CCR7: variants seen among roughly 807,000 people sequenced by gnomAD.
CCR7 encodes the protein C-C chemokine receptor type 7.
Under a neutral mutation model 26.0 loss-of-function variants are expected in CCR7, and 11 were observed. That is an observed-to-expected ratio of 0.42 (90% CI 0.27 to 0.70). The LOEUF (loss-of-function observed/expected upper bound fraction) is 0.70, where lower values mean the gene tolerates loss of function less well. Ranked by LOEUF, CCR7 falls within the 30% of genes least tolerant of loss-of-function variation. The pLI, the probability that CCR7 is intolerant of heterozygous loss-of-function variation, is 0.23. For synonymous variants in CCR7, 189 were observed against 202.1 expected, an observed-to-expected ratio of 0.94 and a Z score of 0.55; for missense variants, 360 against 504.0, an observed-to-expected ratio of 0.71 and a Z score of 2.74.
intron 1 of CCR7, among the ~76,000 whole-genome samples, chr17:40,564,895 C>T (rs1262863658): frequency 6.6e-6 from 1 of 152,234 alleles, no homozygotes; most frequent in Non-Finnish European, 1.5e-5. Context: ...ACAACCCAGT[C>T]ACGTTTCATT....
Position 40,565,454 on chromosome 17 carries a change from C to T in CCR7, c.-45G>A, listed in dbSNP as rs780987967. On this transcript the variant is annotated 5_prime_UTR_variant, in exon 1 of 3. Transcript: ENST00000246657. Reference sequence around the variant, plus strand: ...AACCACACAGGAAGGCTGTGCCCGGCCTCGCACTACCCCTGTCTGGGGAGG... The same window carrying T: ...AACCACACAGGAAGGCTGTGCCCGGTCTCGCACTACCCCTGTCTGGGGAGG... The T allele has an allele frequency of 1.2e-6, 2 of 1,604,072 alleles. No individual in the cohort carries two copies. The highest frequency in any genetic ancestry group is 2.2e-5 in the East Asian group (1 of 44,818).
In CCR7 at chr17:40,554,815, C is replaced by A; in HGVS notation, c.1064G>T (p.Trp355Leu). 2.5e-6 allele frequency: 4 copies of A among 1,614,176 alleles called. No individual in the cohort carries two copies. Among genetic ancestry groups the A allele is most frequent in the South Asian group, 1.1e-5 (1 of 91,080 alleles). ...GCGCCGGATGTGCCGACAGGAAGAC[C>A]ACTGCCGGAGCTGCTCCTGGCTGAG... The part of the protein sequence containing the change: ...GCLSQEQLRQ[W>L]SSCRHIRRSS... The change falls in exon 3 of 3, where the codon TGG becomes TTG. Residue 355 changes from tryptophan to leucine, a missense_variant. Trp to Leu is a moderately conservative substitution (Grantham distance 61). Transcript: ENST00000246657.
intron 2 of CCR7, among the ~76,000 whole-genome samples, chr17:40,556,518 T>G (rs1480372676): frequency 1.3e-5 from 2 of 150,348 alleles, no homozygotes; most frequent in African/African-American, 4.9e-5. Context: ...CTGGTTAAAC[T>G]CTTTCTGTCT....
chr17:40,557,189 G>A (rs765731672), intron 2 of CCR7, among the ~76,000 whole-genome samples: 1 of 152,210 alleles, frequency 6.6e-6, no homozygotes, highest in Non-Finnish European at 1.5e-5. Flanking sequence ...CTGCAGGGTC[G>A]GGTGAAGGTT....
intron 1 of CCR7, among the ~76,000 whole-genome samples, chr17:40,560,317 G>A (rs962007775): frequency 1.3e-5 from 2 of 152,260 alleles, no homozygotes; most frequent in African/African-American, 4.8e-5. Flanking sequence ...GATGCCACAA[G>A]TGAAGGCAGG....
At chr17:40,560,124 G>A (rs1202489933) in intron 1 of CCR7, among the ~76,000 whole-genome samples, 1 of 152,194 alleles carries the variant, frequency 6.6e-6, no homozygotes, top group Non-Finnish European at 1.5e-5. Context: ...TTTTGTGGCT[G>A]AGCCTGGGGC....
chr17:40,557,720 A>G (rs569509031), intron 2 of CCR7, among the ~76,000 whole-genome samples: 1 of 152,292 alleles, frequency 6.6e-6, no homozygotes, highest in East Asian at 1.9e-4. Context: ...TGCATCATCC[A>G]GTCCTGCCTT....
At chr17:40,558,554 G>C (rs2036617513) in intron 2 of CCR7, among the ~76,000 whole-genome samples, 1 of 152,210 alleles carries the variant, frequency 6.6e-6, no homozygotes, top group South Asian at 2.1e-4. Flanking sequence ...ACAAAACCCA[G>C]TAACATTTTT....
intron 1 of CCR7, among the ~76,000 whole-genome samples, chr17:40,563,487 A>G (rs1457748974): frequency 1.3e-5 from 2 of 152,102 alleles, no homozygotes; most frequent in Non-Finnish European, 2.9e-5. Flanking sequence ...AAACCGTGAA[A>G]AAGGCCAGCT....
intron 2 of CCR7, 100 bp downstream of exon 2, chr17:40,558,793 T>A: frequency 1.0e-6 from 1 of 1,004,522 alleles, no homozygotes; most frequent in Non-Finnish European, 1.5e-6. Flanking sequence ...TATGTCTGGG[T>A]CTTGTATCTT....
At position 40,554,804 on chromosome 17, in the gene CCR7, G is replaced by A. The variant is rs755563290; in HGVS notation, c.1075C>T (p.Arg359Trp). ...CTCATGGAGGAGCGCCGGATGTGCCGACAGGAAGACCACTGCCGGAGCTGC... is the reference window on the plus strand; with the variant it reads ...CTCATGGAGGAGCGCCGGATGTGCCAACAGGAAGACCACTGCCGGAGCTGC... ...QEQLRQWSSC[R>W]HIRRSSMSVE... is the part of the protein sequence containing the mutation. The change falls in exon 3 of 3, where the codon CGG becomes TGG. Residue 359 changes from arginine to tryptophan, a missense_variant. Coordinates refer to ENST00000246657, the MANE Select transcript of CCR7 (RefSeq NM_001838.4). 7.4e-6 allele frequency: 12 copies of A among 1,614,124 alleles called. No homozygotes were observed. Among genetic ancestry groups the A allele is most frequent in the East Asian group, 2.2e-5 (1 of 44,876 alleles).
Position 40,554,861 on chromosome 17 carries a change from G to T in CCR7, c.1018C>A (p.Leu340Ile). 1.2e-6 allele frequency: 2 copies of T among 1,614,212 alleles called. No homozygotes were observed. Among genetic ancestry groups the T allele is most frequent in the Non-Finnish European group, 1.7e-6 (2 of 1,180,034 alleles). Residue 340 changes from leucine to isoleucine, a missense_variant, in exon 3 of 3, where the codon CTC becomes ATC. Leu to Ile is a conservative substitution (Grantham distance 5). Transcript: ENST00000246657. Reference protein sequence around the residue: ...GVKFRNDLFKLFKDLGCLSQE... With the variant: ...GVKFRNDLFKIFKDLGCLSQE... Reference sequence around the variant, plus strand: ...CTGAGGCAGCCCAGGTCCTTGAAGAGCTTGAAGAGATCGTTGCGGAACTTG... The same window carrying T: ...CTGAGGCAGCCCAGGTCCTTGAAGATCTTGAAGAGATCGTTGCGGAACTTG...
Position 40,554,975 on chromosome 17 carries a change from T to C in CCR7, c.904A>G (p.Lys302Glu), listed in dbSNP as rs1468121375. The change falls in exon 3 of 3, where the codon AAG (lysine) becomes GAG (glutamate). Residue 302 changes from lysine (K) to glutamate (E), a missense_variant. Coordinates refer to ENST00000246657, the MANE Select transcript of CCR7 (RefSeq NM_001838.4). Reference protein sequence around the residue: ...NITSSTCELSKQLNIAYDVTY... With the variant: ...NITSSTCELSEQLNIAYDVTY... ...ACGTCGTAGGCGATGTTGAGTTGCT[T>C]ACTGAGCTCACAGGTGCTACTGGTG... 6.2e-7 allele frequency: 1 copy of C among 1,614,156 alleles called. No individual in the cohort carries two copies. The highest frequency in any genetic ancestry group is 8.5e-7 in the Non-Finnish European group (1 of 1,180,024).
intron 1 of CCR7, chr17:40,560,649 G>A (rs1239044533): frequency 6.6e-6 from 1 of 152,190 alleles, no homozygotes; most frequent in East Asian, 1.9e-4. Context: ...TCTGCCTAAA[G>A]CTTAGCTCTG....
chr17:40,561,712 G>A (rs1177520372), intron 1 of CCR7, among the ~76,000 whole-genome samples: 6 of 152,088 alleles, frequency 3.9e-5, no homozygotes, highest in Non-Finnish European at 8.8e-5. Flanking sequence ...AATCACAGTT[G>A]CCCAATCAGC....
chr17:40,556,284 C>A (rs1374703599), intron 2 of CCR7, among the ~76,000 whole-genome samples: 3 of 152,190 alleles, frequency 2.0e-5, no homozygotes, highest in Admixed American at 6.5e-5. Flanking sequence ...CCAGGTGATT[C>A]TTTGGTTTTA....
rs1177127089 is a variant in CCR7, at chr17:40,555,662, G to T, written c.217C>A (p.Leu73Ile). 2 of 1,614,154 alleles carry T rather than the reference G, an allele frequency of 1.2e-6. No individual in the cohort carries two copies. Among genetic ancestry groups the T allele is most frequent in the Non-Finnish European group, 1.7e-6 (2 of 1,180,036 alleles). ...IMYSIICFVG[L>I]LGNGLVVLTY... ...AACACGACCAGCCCATTGCCCAGTA[G>T]GCCCACGAAACAAATGATGGAGTAC... The change falls in exon 3 of 3, where the codon CTA (leucine) becomes ATA (isoleucine). Residue 73 changes from leucine to isoleucine, a missense_variant. Transcript: ENST00000246657. The surrounding 1 kb of genome is among the most constrained non-coding windows in gnomAD (Gnocchi z 5.6).
chr17:40,561,597 G>A (rs538685379), intron 1 of CCR7, among the ~76,000 whole-genome samples: 10 of 152,250 alleles, frequency 6.6e-5, no homozygotes, highest in South Asian at 2.1e-4. Context: ...CCCCCAACAT[G>A]AGAGACTGCC....
Position 40,555,431 on chromosome 17 carries a change from T to G in CCR7, c.448A>C (p.Ile150Leu), listed in dbSNP as rs1426316087. Residue 150 changes from isoleucine (I) to leucine (L), a missense_variant, in exon 3 of 3, where the codon ATC (isoleucine) becomes CTC (leucine). Transcript: ENST00000246657. This position sits in a 1 kb window ranked among gnomAD's most constrained non-coding sequence, Gnocchi z 5.6. ...FFSGMLLLLC[I>L]SIDRYVAIVQ... ...ATGGCCACGTAGCGGTCAATGCTGATGCAAAGAAGTAGGAGCATGCCACTG... is the reference window on the plus strand; with the variant it reads ...ATGGCCACGTAGCGGTCAATGCTGAGGCAAAGAAGTAGGAGCATGCCACTG... 1 of 1,613,894 alleles carries G rather than the reference T, an allele frequency of 6.2e-7. No homozygotes were observed. The highest frequency in any genetic ancestry group is 1.7e-5 in the Admixed American group (1 of 60,020).
Sources: allele counts gnomAD v4.1 joint callset (sites outside exome capture counted in the v4.1 genomes callset), GRCh38; gene constraint gnomAD v4.1.1; non-coding constraint Gnocchi (gnomAD v3.1); transcripts MANE v1.5; gene names NCBI Gene and HGNC (gene_info 2026-07-23, HGNC 2026-07-21).